The following GREB1 variants were observed in gnomAD, a reference collection of about 807,000 sequenced individuals.
GREB1 encodes the protein growth regulating estrogen receptor binding 1.
A neutral mutation model predicts 200.7 loss-of-function variants in GREB1; 106 were observed. The ratio of observed to expected loss-of-function variants is 0.53; its 90% CI spans 0.45 to 0.62. The LOEUF (loss-of-function observed/expected upper bound fraction) is 0.62, where lower values mean the gene tolerates loss of function less well. GREB1 is among the 20% of genes least tolerant of loss of function. GREB1 has a pLI of 0.00. For missense variants in GREB1, 2,243 were observed against 2,556.8 expected (o/e 0.88, Z 2.65); for synonymous variants, 1,132 against 1,092.4 (o/e 1.04, Z -0.72).
rs754541833 is a variant in GREB1 at position 11,588,879 on chromosome 2, C to T, written c.1293C>T (p.Pro431=). 1.9e-6 allele frequency: 3 copies of T among 1,614,072 alleles called. No homozygotes were observed. In the African/African-American group the frequency reaches 4.0e-5, roughly 22 times the overall value. ...AGTACGGCGCCTCTGCCATCCAGCC[C>T]ATCTCCGAGGAGATGCAGCTCCTGC... The part of the protein sequence containing the change: ...YEQYGASAIQ[P]ISEEMQLLLT... Residue 431 remains proline, a synonymous_variant, in exon 10 of 33, where the codon CCC becomes CCT. Transcript: ENST00000381486.
intron 23 of GREB1, among the ~76,000 whole-genome samples, chr2:11,622,883 A>G (rs763394548): frequency 1.4e-4 from 21 of 152,230 alleles, no homozygotes; most frequent in Middle Eastern, 3.2e-3. Flanking sequence ...CCATTCTCAC[A>G]GCAAACAGCA....
chr2:11,592,726 C>A, intron 10 of GREB1, 50 bp from the exon 11 acceptor site: 1 of 1,276,610 alleles, frequency 7.8e-7, no homozygotes, highest in African/African-American at 1.6e-5. Context: ...CGTGCGTCCC[C>A]GGATGCCGCT....
chr2:11,585,935 G>A (rs1680038809), intron 9 of GREB1, 30 bp downstream of exon 9: 2 of 1,611,824 alleles, frequency 1.2e-6, no homozygotes, highest in Middle Eastern at 1.8e-4. Context: ...GAGTCGTGGG[G>A]ATGGGAGAAC....
In GREB1 at chr2:11,616,229, C is replaced by T. The variant is rs547349265; in HGVS notation, c.3323-402C>T. ...CTGCCCTTCTGGCCTCTGCGCTGCA[C>T]GGCTGCCCTTCCTGCTGCTCAGAGT... On this transcript the variant is annotated intron_variant, in intron 20 of 32. Transcript: ENST00000381486. Among the ~76,000 whole-genome samples the T allele has an allele frequency of 2.8e-4, 43 of 152,360 alleles. 1 individual carries two copies. The highest frequency in any genetic ancestry group is 6.8e-3 in the Middle Eastern group (2 of 294).
rs374437313 is a variant in GREB1, at chr2:11,590,351, C to T, written c.1345+1420C>T. Among the ~76,000 whole-genome samples the T allele has an allele frequency of 2.0e-4, 30 of 152,240 alleles. No homozygotes were observed. The South Asian group carries it at 5.4e-3, about 27-fold the overall frequency. ...CTCTTCCCTGCTCAGAGCCCTGCCG[C>T]GGCTTCCCATCAGTCGCTCACTCCA... On this transcript the variant is annotated intron_variant, in intron 10 of 32. Coordinates refer to ENST00000381486, the MANE Select transcript of GREB1 (RefSeq NM_014668.4).
chr2:11,604,441 C>T (rs1194754370), intron 17 of GREB1, among the ~76,000 whole-genome samples: 3 of 152,200 alleles, frequency 2.0e-5, no homozygotes, highest in Non-Finnish European at 4.4e-5. Context: ...CTTCTGTTGG[C>T]TGCTAGCACC....
chr2:11,579,087 G>A (rs1260629918), intron 6 of GREB1, among the ~76,000 whole-genome samples: 1 of 152,210 alleles, frequency 6.6e-6, no homozygotes, highest in African/African-American at 2.4e-5. Flanking sequence ...GAAGGTCGCT[G>A]GTTGTTTTCA....
In GREB1 at chr2:11,578,176, C is replaced by A. The variant is rs1202545464; in HGVS notation, c.638-121C>A. ...TGAAACAAAGACCAGGATGTGGTGGCAGCTTGTGTGGCTGTCTCCATAGCT... is the reference window on the plus strand; with the variant it reads ...TGAAACAAAGACCAGGATGTGGTGGAAGCTTGTGTGGCTGTCTCCATAGCT... On this transcript the variant is annotated intron_variant, in intron 5 of 32. Coordinates refer to ENST00000381486, the MANE Select transcript of GREB1 (RefSeq NM_014668.4). 10 of 1,056,320 alleles carry A rather than the reference C, an allele frequency of 9.5e-6. No homozygotes were observed. In the Admixed American group the frequency reaches 1.9e-4, roughly 20 times the overall value. 65.4% of individuals were successfully genotyped at this position (1,056,320 alleles called of 1,614,324 possible). A position where few individuals can be genotyped will look rare whatever the true frequency, so the allele number is the denominator to read the frequency against.
chr2:11,579,821 G>C (rs1317224898), intron 6 of GREB1, among the ~76,000 whole-genome samples: 1 of 152,200 alleles, frequency 6.6e-6, no homozygotes, highest in Non-Finnish European at 1.5e-5. Context: ...ATTACCCTTA[G>C]ACCTGGGGAG....
In GREB1 at chr2:11,640,019, C is replaced by T. The variant is rs1685692918; in HGVS notation, c.5687-272C>T. Among the ~76,000 whole-genome samples, 1 of 152,104 alleles carries T rather than the reference C, an allele frequency of 6.6e-6. No homozygotes were observed. The highest frequency in any genetic ancestry group is 2.4e-5 in the African/African-American group (1 of 41,412). On this transcript the variant is annotated intron_variant, in intron 32 of 32. Coordinates refer to ENST00000381486, the MANE Select transcript of GREB1 (RefSeq NM_014668.4). This position sits in a 1 kb window ranked among gnomAD's most constrained non-coding sequence, Gnocchi z 4.6. ...GCTTGGTTTGCGATTCCACCAGCCT[C>T]TCTCCTTCCTCTCCGCACCTCGGTT...
rs182056276 is a variant in GREB1 at position 11,586,858 on chromosome 2, G to A, written c.1159+953G>A. On this transcript the variant is annotated intron_variant, in intron 9 of 32. Coordinates refer to ENST00000381486, the MANE Select transcript of GREB1 (RefSeq NM_014668.4). The stretch of plus-strand genomic sequence containing the variant: ...ACCAATGACCGAGGCAGTTCCACTG[G>A]GCCCCACTGTCTACCTCAAATGAAG... Among the ~76,000 whole-genome samples, 152 of 152,240 alleles carry A rather than the reference G, an allele frequency of 1.0e-3. 1 individual carries two copies. Among genetic ancestry groups the A allele is most frequent in the African/African-American group, 3.4e-3 (142 of 41,532 alleles).
In GREB1 at chr2:11,491,054, T is replaced by C. The variant is rs544998831; in HGVS notation, c.-159+8673T>C. Among the ~76,000 whole-genome samples, 296 of 152,320 alleles carry C rather than the reference T, an allele frequency of 1.9e-3. 1 individual carries two copies. Among genetic ancestry groups the C allele is most frequent in the Non-Finnish European group, 3.6e-3 (245 of 68,020 alleles). ...ACGTCCTTGTGCACAGCTGTTACTG[T>C]TGGTCTTTTGGCGATACCCATTCTA... On this transcript the variant is annotated intron_variant, in intron 1 of 2. Coordinates refer to the GREB1 transcript ENST00000628795.
Position 11,581,588 on chromosome 2 carries a change from C to T in GREB1, c.901+756C>T, listed in dbSNP as rs563259526. 2.6e-5 allele frequency among the ~76,000 whole-genome samples: 4 copies of T among 152,282 alleles called. No individual in the cohort carries two copies. In the South Asian group the frequency reaches 6.2e-4, roughly 24 times the overall value. Reference sequence around the variant, plus strand: ...AGGGTTTGAGGGAGCTGTGAACGGGCGGAGCAACCTGGGGACCTGCTCGTG... The same window carrying T: ...AGGGTTTGAGGGAGCTGTGAACGGGTGGAGCAACCTGGGGACCTGCTCGTG... On this transcript the variant is annotated intron_variant, in intron 7 of 32. Transcript: ENST00000381486.
chr2:11,625,824 A>G (rs1437939677), intron 24 of GREB1, among the ~76,000 whole-genome samples: 1 of 152,200 alleles, frequency 6.6e-6, no homozygotes, highest in Non-Finnish European at 1.5e-5. Context: ...GCTGATAAAG[A>G]CATACCTGAG....
chr2:11,568,331 C>T (rs980135273), intron 4 of GREB1, among the ~76,000 whole-genome samples: 1 of 152,162 alleles, frequency 6.6e-6, no homozygotes, highest in Non-Finnish European at 1.5e-5. Flanking sequence ...GCCACAGAGG[C>T]GCTGGGGACA....
intron 31 of GREB1, 97 bp from the exon 32 acceptor site, chr2:11,638,574 C>A: frequency 9.6e-7 from 1 of 1,040,526 alleles, no homozygotes; most frequent in Non-Finnish European, 1.4e-6. Context: ...TTGAGCTGGA[C>A]CAAGCAGTTG....
chr2:11,636,328 A>G (rs918846382), intron 30 of GREB1, among the ~76,000 whole-genome samples: 3 of 152,100 alleles, frequency 2.0e-5, no homozygotes, highest in Admixed American at 2.0e-4. Flanking sequence ...TTTAAAACGA[A>G]CTTTTCTTTT....
At position 11,600,987 on chromosome 2, in the gene GREB1, T is replaced by C; in HGVS notation, c.2521T>C (p.Cys841Arg). The change falls in exon 16 of 33, where the codon TGC becomes CGC. Residue 841 changes from cysteine to arginine, a missense_variant. By Grantham distance (180) the Cys-to-Arg change is radical. Transcript: ENST00000381486. The part of the protein sequence containing the change: ...PYNEIHWPAS[C>R]SNGVDLYHEN... ...CAACGAGATCCACTGGCCTGCCTCC[T>C]GCAGTAATGTGAGTGCCACGGGGCT... 6.2e-7 allele frequency: 1 copy of C among 1,608,254 alleles called. No individual in the cohort carries two copies. The highest frequency in any genetic ancestry group is 1.7e-5 in the Admixed American group (1 of 59,808).
At chr2:11,591,685 T>A (rs766668934) in intron 10 of GREB1, 113 of 486,390 alleles carry the variant, frequency 2.3e-4, no homozygotes, top group Non-Finnish European at 3.0e-5. Context: ...TAAATCCACC[T>A]TTGAGAATTT....
Sources: allele counts gnomAD v4.1 joint callset (sites outside exome capture counted in the v4.1 genomes callset), GRCh38; gene constraint gnomAD v4.1.1; non-coding constraint Gnocchi (gnomAD v3.1); transcripts MANE v1.5; gene names NCBI Gene and HGNC (gene_info 2026-07-23, HGNC 2026-07-21).